The following TRPM3 variants were observed in gnomAD, a reference collection of about 807,000 sequenced individuals.
The protein encoded by TRPM3 is long transient receptor potential channel 3.
A neutral mutation model predicts 181.2 loss-of-function variants in TRPM3; 77 were observed. The observed-to-expected ratio is 0.42, with a 90% CI of 0.35 to 0.51. TRPM3 has a LOEUF of 0.51. Among genes scored for constraint, TRPM3 ranks in the 20% least tolerant of loss-of-function variants. The probability of loss-of-function intolerance (pLI) is 0.01; values close to 1 mark genes in which losing one functional copy is unlikely to be tolerated. For missense variants in TRPM3, 1,759 were observed against 2,196.7 expected (o/e 0.80, Z 3.98); for synonymous variants, 745 against 796.4 (o/e 0.94, Z 1.09).
intron 6 of TRPM3, among the ~76,000 whole-genome samples, chr9:70,788,961 G>A (rs892979949): frequency 3.3e-5 from 5 of 152,158 alleles, no homozygotes; most frequent in African/African-American, 9.7e-5. Context: ...CTCACCTATG[G>A]CCTGGCTCCT....
upstream of TRPM3, among the ~76,000 whole-genome samples, chr9:71,124,816 A>C (rs1479294125): frequency 1.3e-5 from 2 of 152,204 alleles, no homozygotes; most frequent in Non-Finnish European, 1.5e-5. Flanking sequence ...TGAAAACCTA[A>C]GAAAACAAAA....
intron 1 of TRPM3, among the ~76,000 whole-genome samples, chr9:71,169,579 T>C (rs1205332369): frequency 1.3e-5 from 2 of 152,156 alleles, no homozygotes; most frequent in African/African-American, 4.8e-5. Context: ...CAGATTTGAT[T>C]CTTTACTGAT....
At chr9:70,690,139 A>C (rs2068086362) in intron 8 of TRPM3, among the ~76,000 whole-genome samples, 1 of 152,194 alleles carries the variant, frequency 6.6e-6, no homozygotes, top group Admixed American at 6.5e-5. Context: ...CTGCAAGGAC[A>C]GTTTGGTTCA....
intron 1 of TRPM3, among the ~76,000 whole-genome samples, chr9:71,331,038 T>C (rs2090072911): frequency 6.6e-6 from 1 of 151,892 alleles, no homozygotes; most frequent in South Asian, 2.1e-4. Context: ...CAATTTTCCA[T>C]TAATAAAATT....
At chr9:70,999,865 T>G (rs1172379381) in intron 1 of TRPM3, among the ~76,000 whole-genome samples, 1 of 152,176 alleles carries the variant, frequency 6.6e-6, no homozygotes, top group Non-Finnish European at 1.5e-5. Context: ...TCTGAAACAA[T>G]CCACAGTGTG....
intron 24 of TRPM3, among the ~76,000 whole-genome samples, chr9:70,551,396 A>G (rs2131841138): frequency 6.6e-6 from 1 of 152,304 alleles, no homozygotes; most frequent in South Asian, 2.1e-4. Flanking sequence ...CTGAGCATCC[A>G]GTAACCTGGC....
chr9:70,536,610 C>A lies in TRPM3; in HGVS notation c.4503G>T (p.Glu1501Asp). 1 of 1,614,034 alleles carries A rather than the reference C, an allele frequency of 6.2e-7. No individual in the cohort carries two copies. The highest frequency in any genetic ancestry group is 8.5e-7 in the Non-Finnish European group (1 of 1,179,988). Residue 1501 changes from glutamate (E) to aspartate (D), a missense_variant, in exon 26 of 26, where the codon GAG becomes GAT. Transcript: ENST00000677713. ...GCTCAATGGTGTGGTACATCGGAGG[C>A]TCTGAGTCCCAGGGGTTTTGGCATT... ...LPECQNPWDS[E>D]PPMYHTIERS... is the part of the protein sequence containing the mutation.
chr9:70,698,671 G>A (rs898076387), intron 8 of TRPM3, among the ~76,000 whole-genome samples: 8 of 152,154 alleles, frequency 5.3e-5, no homozygotes, highest in African/African-American at 1.9e-4. Flanking sequence ...GGTGTTGGAG[G>A]TGGGCCTGGT....
At chr9:70,761,980 A>G (rs886701865) in intron 7 of TRPM3, among the ~76,000 whole-genome samples, 1 of 152,180 alleles carries the variant, frequency 6.6e-6, no homozygotes, top group African/African-American at 2.4e-5. Flanking sequence ...TCTGTTTTTC[A>G]TATGGCATGT....
intron 1 of TRPM3, among the ~76,000 whole-genome samples, chr9:71,165,240 G>A (rs1032846840): frequency 1.3e-5 from 2 of 152,042 alleles, no homozygotes; most frequent in Non-Finnish European, 2.9e-5. Context: ...AACCTCATAG[G>A]GTTTGTGAGA....
At chr9:70,664,306 G>A (rs1016349439) in intron 9 of TRPM3, among the ~76,000 whole-genome samples, 2 of 152,182 alleles carry the variant, frequency 1.3e-5, no homozygotes, top group African/African-American at 4.8e-5. Flanking sequence ...CCCAGGGCTT[G>A]TACACATAGA....
intron 21 of TRPM3, among the ~76,000 whole-genome samples, chr9:70,594,906 G>C (rs2058741972): frequency 6.6e-6 from 1 of 152,076 alleles, no homozygotes; most frequent in South Asian, 2.1e-4. Flanking sequence ...AAATTCTATA[G>C]GCATATTTTA....
At chr9:71,162,373 C>T (rs1356324928) in intron 1 of TRPM3, among the ~76,000 whole-genome samples, 1 of 151,982 alleles carries the variant, frequency 6.6e-6, no homozygotes, top group Non-Finnish European at 1.5e-5. Flanking sequence ...GTCATCATGA[C>T]AGACAGGATA....
At chr9:70,778,408 T>A (rs773794489) in intron 7 of TRPM3, among the ~76,000 whole-genome samples, 33 of 152,196 alleles carry the variant, frequency 2.2e-4, no homozygotes, top group Non-Finnish European at 4.1e-4. Context: ...GGCCCTGCCT[T>A]ATTCATCTTC....
chr9:71,396,881 G>A (rs1051163177), intron 1 of TRPM3, among the ~76,000 whole-genome samples: 5 of 151,236 alleles, frequency 3.3e-5, no homozygotes, highest in East Asian at 1.9e-4. Flanking sequence ...CAGGAGAATC[G>A]CTTGAACCCG....
At chr9:71,033,288 C>T (rs185205175) in intron 1 of TRPM3, among the ~76,000 whole-genome samples, 12 of 152,334 alleles carry the variant, frequency 7.9e-5, no homozygotes, top group African/African-American at 1.9e-4. Flanking sequence ...CCCTGGGACA[C>T]GGCTGCTTTT....
At chr9:71,212,832 G>A (rs1041453674) in intron 1 of TRPM3, among the ~76,000 whole-genome samples, 2 of 148,684 alleles carry the variant, frequency 1.3e-5, no homozygotes, top group African/African-American at 2.5e-5. Context: ...TGTGCTAAGA[G>A]TGATCACAGC....
At chr9:71,071,712 A>G in intron 1 of TRPM3, among the ~76,000 whole-genome samples, 1 of 152,206 alleles carries the variant, frequency 6.6e-6, no homozygotes, top group East Asian at 1.9e-4. Flanking sequence ...AGTGCCAAAC[A>G]GAGCTGGGTT....
chr9:71,116,966 A>G (rs566019598), intron 1 of TRPM3, among the ~76,000 whole-genome samples: 1 of 152,186 alleles, frequency 6.6e-6, no homozygotes, highest in South Asian at 2.1e-4. Flanking sequence ...TAACTGAAAT[A>G]CCCTTTCTAG....
Sources: allele counts gnomAD v4.1 joint callset (sites outside exome capture counted in the v4.1 genomes callset), GRCh38; gene constraint gnomAD v4.1.1; transcripts MANE v1.5; gene names NCBI Gene and HGNC (gene_info 2026-07-23, HGNC 2026-07-21).